The following TEC variants were observed in gnomAD, a reference collection of about 807,000 sequenced individuals.
The protein encoded by TEC is tec protein tyrosine kinase.
Under a neutral mutation model 93.0 loss-of-function variants are expected in TEC, and 72 were observed. The observed-to-expected ratio is 0.77, with a 90% CI of 0.64 to 0.94. The LOEUF (loss-of-function observed/expected upper bound fraction) is 0.94, where lower values mean the gene tolerates loss of function less well. Ranked by LOEUF, TEC falls within the 40% of genes least tolerant of loss-of-function variation. The pLI is 0.00. For synonymous variants in TEC, 249 were observed against 247.7 expected (o/e 1.01, Z -0.05); for missense variants, 630 against 757.9 (o/e 0.83, Z 1.98).
rs776245827 is a variant in TEC, at chr4:48,141,346, T to G, written c.1535+9A>C. 2 of 1,612,900 alleles carry G rather than the reference T, an allele frequency of 1.2e-6. No individual in the cohort carries two copies. The highest frequency in any genetic ancestry group is 2.2e-5 in the South Asian group (2 of 90,984). ...AACATCACCTAAAACCACGTATACT[T>G]GGACATACCTGGCCATTCCAAAATC... On this transcript the variant is annotated intron_variant, in intron 15 of 17. Coordinates refer to ENST00000381501, the MANE Select transcript of TEC (RefSeq NM_003215.3).
At chr4:48,246,866 T>C (rs1724070014) in intron 1 of TEC, among the ~76,000 whole-genome samples, 1 of 152,088 alleles carries the variant, frequency 6.6e-6, no homozygotes, top group Admixed American at 6.6e-5. Flanking sequence ...AAATATGACA[T>C]CAAAAGCATA....
chr4:48,204,881 G>C (rs1366068409), intron 2 of TEC, among the ~76,000 whole-genome samples: 2 of 152,130 alleles, frequency 1.3e-5, no homozygotes, highest in South Asian at 4.1e-4. Context: ...CACCGAAACC[G>C]GTACCAGTCC....
intron 1 of TEC, among the ~76,000 whole-genome samples, chr4:48,235,446 A>G (rs1325258577): frequency 6.6e-6 from 1 of 152,234 alleles, no homozygotes; most frequent in Non-Finnish European, 1.5e-5. Flanking sequence ...GTGGAAAGGT[A>G]TATGTTCTAC....
chr4:48,219,094 T>C (rs894952821), intron 2 of TEC, among the ~76,000 whole-genome samples: 7 of 152,242 alleles, frequency 4.6e-5, no homozygotes, highest in African/African-American at 1.7e-4. Flanking sequence ...GTCATTATTA[T>C]AAACATTATT....
intron 1 of TEC, among the ~76,000 whole-genome samples, chr4:48,233,560 T>G (rs1408873609): frequency 6.6e-6 from 1 of 150,510 alleles, no homozygotes; most frequent in South Asian, 2.1e-4. Context: ...AATTATAATA[T>G]GAATCTAAGG....
intron 3 of TEC, among the ~76,000 whole-genome samples, chr4:48,172,017 T>C (rs1207064974): frequency 6.6e-6 from 1 of 152,232 alleles, no homozygotes; most frequent in Admixed American, 6.5e-5. Flanking sequence ...TCATGCACCA[T>C]GCACTGCAGA....
intron 2 of TEC, among the ~76,000 whole-genome samples, chr4:48,189,689 T>G (rs1722023812): frequency 6.6e-6 from 1 of 152,210 alleles, no homozygotes; most frequent in Non-Finnish European, 1.5e-5. Flanking sequence ...AGATGCAAAA[T>G]GATCAGATTC....
chr4:48,159,602 C>T (rs1720543693), intron 8 of TEC, among the ~76,000 whole-genome samples: 1 of 149,628 alleles, frequency 6.7e-6, no homozygotes, highest in African/African-American at 2.5e-5. Flanking sequence ...GTTGTCCAGG[C>T]TGGAGTGTAA....
intron 1 of TEC, among the ~76,000 whole-genome samples, chr4:48,238,405 C>A (rs2109652907): frequency 6.6e-6 from 1 of 152,262 alleles, no homozygotes; most frequent in African/African-American, 2.4e-5. Flanking sequence ...AAGAGATCTG[C>A]ATAAAACCCT....
intron 2 of TEC, among the ~76,000 whole-genome samples, chr4:48,218,331 G>T (rs1275943693): frequency 1.3e-5 from 2 of 152,128 alleles, no homozygotes; most frequent in African/African-American, 4.8e-5. Flanking sequence ...TTTTGTTGTT[G>T]TTGTTGTTAT....
chr4:48,162,997 G>A (rs763100792), intron 8 of TEC, among the ~76,000 whole-genome samples: 5 of 152,006 alleles, frequency 3.3e-5, no homozygotes, highest in Admixed American at 1.3e-4. Context: ...TCCAGTTTAA[G>A]ATAAGAAACA....
chr4:48,173,256 C>G (rs1721186858), intron 3 of TEC, among the ~76,000 whole-genome samples: 1 of 152,154 alleles, frequency 6.6e-6, no homozygotes, highest in Non-Finnish European at 1.5e-5. Flanking sequence ...TACCGTGAGC[C>G]TGTGAAACTT....
rs911677997 is a variant in TEC, at chr4:48,170,077, G to A, written c.454+171C>T. Among the ~76,000 whole-genome samples, 3 of 152,198 alleles carry A rather than the reference G, an allele frequency of 2.0e-5. No homozygotes were observed. In the South Asian group the frequency reaches 6.2e-4, roughly 32 times the overall value. ...CAAAATAGACCTTCTGATTCCACGA[G>A]AAGGTCTCACTGTAACTAAATATAA... On this transcript the variant is annotated intron_variant, in intron 5 of 17. Coordinates refer to ENST00000381501, the MANE Select transcript of TEC (RefSeq NM_003215.3).
At chr4:48,176,325 G>T in intron 2 of TEC, 139 bp from the exon 3 acceptor site, 1 of 624,324 alleles carries the variant, frequency 1.6e-6, no homozygotes, top group African/African-American at 1.8e-5. Context: ...CCCACTAACT[G>T]CTAAAATTAT....
intron 2 of TEC, among the ~76,000 whole-genome samples, chr4:48,199,733 C>T (rs1380286456): frequency 2.6e-5 from 4 of 152,136 alleles, no homozygotes; most frequent in Non-Finnish European, 5.9e-5. Flanking sequence ...TCCCAAAGTG[C>T]TGGGATTACA....
intron 8 of TEC, among the ~76,000 whole-genome samples, chr4:48,158,961 CAG>C (rs1413743966): frequency 1.3e-5 from 2 of 151,474 alleles, no homozygotes; most frequent in Non-Finnish European, 2.9e-5. Context: ...TGTTGAAAGA[CAG>C]AAAGGAGGAA....
In TEC at chr4:48,145,451, C is replaced by A. The variant is rs1199548264; in HGVS notation, c.1210G>T (p.Ala404Ser). 1 of 1,614,184 alleles carries A rather than the reference C, an allele frequency of 6.2e-7. No individual in the cohort carries two copies. Among genetic ancestry groups the A allele is most frequent in the East Asian group, 2.2e-5 (1 of 44,882 alleles). Residue 404 changes from alanine (A) to serine (S), a missense_variant, in exon 13 of 18, where the codon GCA becomes TCA. Around this residue, in one of 3 missense-constraint regions of TEC, gnomAD observed 289 missense variants for 390.0 expected, o/e 0.74. Coordinates refer to ENST00000381501, the MANE Select transcript of TEC (RefSeq NM_003215.3). ...TCTATAAAGTCCTCCTCGCACATTG[C>A]ACCTTCCCGAATAGCTTTGATTGCG... ...KVAIKAIREGAMCEEDFIEEA... is the reference protein window; with the variant it reads ...KVAIKAIREGSMCEEDFIEEA...
chr4:48,250,052 T>C (rs560632801), intron 1 of TEC, among the ~76,000 whole-genome samples: 60 of 152,202 alleles, frequency 3.9e-4, no homozygotes, highest in Non-Finnish European at 6.6e-4. Flanking sequence ...AGCTTTGACA[T>C]TCTCCAGAAC....
intron 1 of TEC, among the ~76,000 whole-genome samples, chr4:48,245,802 A>G (rs765801310): frequency 6.3e-4 from 96 of 152,282 alleles, no homozygotes; most frequent in Non-Finnish European, 8.7e-4. Context: ...AAATAGCTGA[A>G]GAGCTACATT....
Sources: gnomAD v4.1 joint callset for allele counts (sites outside exome capture counted in the v4.1 genomes callset) on GRCh38, gnomAD v4.1.1 for gene constraint, gnomAD v4.1.1 regional missense constraint, MANE v1.5 for transcripts, NCBI Gene and HGNC (gene_info 2026-07-23, HGNC 2026-07-21) for gene names.